Variants in SERHL2 observed in about 807,000 individuals in gnomAD.
The protein encoded by SERHL2 is serine hydrolase like 2.
Under a neutral mutation model 25.5 loss-of-function variants are expected in SERHL2, and 29 were observed. The ratio of observed to expected loss-of-function variants is 1.14; its 90% confidence interval spans 0.85 to 1.55. The LOEUF (loss-of-function observed/expected upper bound fraction) is 1.55. SERHL2 is among the 40% of genes most tolerant of loss of function. The pLI, the probability that SERHL2 is intolerant of heterozygous loss-of-function variation, is 0.00. For synonymous variants in SERHL2, 95 were observed against 103.5 expected, an observed-to-expected ratio of 0.92 and a Z score of 0.50; for missense variants, 240 against 252.3, an observed-to-expected ratio of 0.95 and a Z score of 0.33.
At chr22:42,571,063 T>G (rs1924107143) in intron 9 of SERHL2, 58 bp from the exon 10 acceptor site, 3 of 1,610,422 alleles carry the variant, frequency 1.9e-6, no homozygotes, top group Non-Finnish European at 2.5e-6. Context: ...ATGGGTTTCG[T>G]GCCCACGAGA....
rs532526854 is a variant in SERHL2 at position 42,567,981 on chromosome 22, C to T, written c.648+1643C>T. ...CTGACCTCAGGTGATCTGCCTGCCTCGACCTCCCAAAGTGCTGGGATTACA... is the reference window on the plus strand; with the variant it reads ...CTGACCTCAGGTGATCTGCCTGCCTTGACCTCCCAAAGTGCTGGGATTACA... On this transcript the variant is annotated intron_variant, in intron 9 of 11. Transcript: ENST00000327678. Among the ~76,000 whole-genome samples, 7 of 151,700 alleles carry T rather than the reference C, an allele frequency of 4.6e-5. No individual in the cohort carries two copies. The South Asian group carries it at 1.2e-3, about 27-fold the overall frequency.
intron 10 of SERHL2, 180 bp downstream of exon 10, chr22:42,571,383 G>A: frequency 1.4e-6 from 2 of 1,419,920 alleles, no homozygotes; most frequent in South Asian, 1.5e-5. Flanking sequence ...GAAGGTCAGA[G>A]GAGGGGAGGG....
Position 42,574,078 on chromosome 22 carries a change from A to G in SERHL2, c.*23A>G. 1 of 1,608,890 alleles carries G rather than the reference A, an allele frequency of 6.2e-7. No homozygotes were observed. Among genetic ancestry groups the G allele is most frequent in the East Asian group, 2.2e-5 (1 of 44,864 alleles). Reference sequence around the variant, plus strand: ...TAGCTCTGGGCCTGGAACTATGAAGACCTAGTGCTCCCAGACTCAACACTG... The same window carrying G: ...TAGCTCTGGGCCTGGAACTATGAAGGCCTAGTGCTCCCAGACTCAACACTG... On this transcript the variant is annotated 3_prime_UTR_variant, in exon 12 of 12. Transcript: ENST00000327678.
chr22:42,569,205 TTTG>T (rs1923821123), intron 9 of SERHL2: 1 of 151,628 alleles, frequency 6.6e-6, no homozygotes, highest in Non-Finnish European at 1.5e-5. Flanking sequence ...TAATCATCTC[TTTG>T]TTGTTCCAAT....
chr22:42,568,951 A>G (rs1291006027), intron 9 of SERHL2, among the ~76,000 whole-genome samples: 1 of 151,456 alleles, frequency 6.6e-6, no homozygotes, highest in Non-Finnish European at 1.5e-5. Flanking sequence ...GTGGGATCTC[A>G]GCTCACTGCA....
chr22:42,559,527 C>A (rs1184717010), intron 7 of SERHL2, among the ~76,000 whole-genome samples: 4 of 151,630 alleles, frequency 2.6e-5, no homozygotes, highest in Non-Finnish European at 5.9e-5. Context: ...TGGTGAAACC[C>A]TGTGTCTACT....
At position 42,553,996 on chromosome 22, in the gene SERHL2, G is replaced by A. The variant is rs866229092; in HGVS notation, c.-25G>A. ...CCTAGCCAGGCGTGAGGGAGTGACA[G>A]CAGCGCATTCGCGGGACGAGAGCGA... On this transcript the variant is annotated 5_prime_UTR_variant, in exon 1 of 12. Coordinates refer to ENST00000327678, the MANE Select transcript of SERHL2 (RefSeq NM_014509.5). The A allele has an allele frequency of 2.5e-6, 4 of 1,613,342 alleles. No individual in the cohort carries two copies. The highest frequency in any genetic ancestry group is 3.3e-4 in the Middle Eastern group (2 of 6,054).
At chr22:42,573,758 C>G (rs1436495115) in intron 11 of SERHL2, 178 bp from the exon 12 acceptor site, 1 of 708,726 alleles carries the variant, frequency 1.4e-6, no homozygotes, top group East Asian at 2.5e-5. Context: ...TAGACACCTC[C>G]TGGGGTGCTA....
intron 8 of SERHL2, 96 bp downstream of exon 8, chr22:42,560,361 C>T: frequency 1.1e-6 from 1 of 877,846 alleles, no homozygotes; most frequent in Non-Finnish European, 1.9e-6. Context: ...ATACTAAGCG[C>T]TTTGCAAACA....
At chr22:42,554,518 G>T (rs1358071415) in intron 1 of SERHL2, among the ~76,000 whole-genome samples, 1 of 152,180 alleles carries the variant, frequency 6.6e-6, no homozygotes, top group African/African-American at 2.4e-5. Context: ...CACCCCTCTG[G>T]CCTTTGGGAA....
chr22:42,560,001 G>A (rs1423493659), intron 7 of SERHL2, among the ~76,000 whole-genome samples, 185 bp from the exon 8 acceptor site: 2 of 151,826 alleles, frequency 1.3e-5, no homozygotes, highest in East Asian at 1.9e-4. Flanking sequence ...TAGTAGAGAT[G>A]AGGTTTTACC....
Position 42,574,139 on chromosome 22 carries a change from G to A in SERHL2, c.*84G>A. The A allele has an allele frequency of 2.3e-6, 3 of 1,294,076 alleles. No individual in the cohort carries two copies. The highest frequency in any genetic ancestry group is 1.3e-5 in the South Asian group (1 of 78,230). 80.2% of individuals were successfully genotyped at this position (1,294,076 alleles called of 1,614,324 possible). On this transcript the variant is annotated 3_prime_UTR_variant, in exon 12 of 12. Transcript: ENST00000327678. ...TTCCTGAGCCCCACAACAAGGCCAG[G>A]GATGGTGGGGACAGGCCTCACTAGT...
chr22:42,562,574 T>G (rs2146694922), intron 8 of SERHL2, among the ~76,000 whole-genome samples: 1 of 151,568 alleles, frequency 6.6e-6, no homozygotes, highest in East Asian at 2.0e-4. Flanking sequence ...GCGAGCATTG[T>G]TGGAGAGGCT....
chr22:42,559,071 A>C (rs1262439505), intron 7 of SERHL2, among the ~76,000 whole-genome samples: 1 of 84,130 alleles, frequency 1.2e-5, no homozygotes, highest in African/African-American at 5.8e-5. Flanking sequence ...CCACACACAC[A>C]CACCCTGCCG....
chr22:42,556,439 A>C, intron 5 of SERHL2, 75 bp from the exon 6 acceptor site: 1 of 1,592,242 alleles, frequency 6.3e-7, no homozygotes, highest in Non-Finnish European at 8.6e-7. Flanking sequence ...GGGGAACTCC[A>C]GGGTCCCCAG....
intron 7 of SERHL2, among the ~76,000 whole-genome samples, chr22:42,559,940 T>A (rs1486797485): frequency 6.6e-6 from 1 of 151,810 alleles, no homozygotes; most frequent in East Asian, 1.9e-4. Context: ...GCTTCCCAAG[T>A]AGCTGGGATT....
chr22:42,564,438 T>C (rs77671885), intron 8 of SERHL2, among the ~76,000 whole-genome samples: 4 of 150,436 alleles, frequency 2.7e-5, no homozygotes, highest in Non-Finnish European at 5.9e-5. Flanking sequence ...TTTTTTTTTT[T>C]CTTTTTTTTT....
In SERHL2 at chr22:42,574,008, A is replaced by C. The variant is rs1234127517; in HGVS notation, c.898A>C (p.Ile300Leu). 3 of 1,611,710 alleles carry C rather than the reference A, an allele frequency of 1.9e-6. No homozygotes were observed. Among genetic ancestry groups the C allele is most frequent in the South Asian group, 1.1e-5 (1 of 91,030 alleles). Residue 300 changes from isoleucine to leucine, a missense_variant, in exon 12 of 12, where the codon ATC becomes CTC. Ile to Leu is a conservative substitution (Grantham distance 5). Transcript: ENST00000327678. ...CGAACCCCAGCACGTGGCCAGTATC[A>C]TCAGCTCCTTCTTACAGTGCACACA... ...MSEPQHVASI[I>L]SSFLQCTHML...
At chr22:42,568,910 G>A (rs990434913) in intron 9 of SERHL2, among the ~76,000 whole-genome samples, 1 of 151,508 alleles carries the variant, frequency 6.6e-6, no homozygotes, top group Non-Finnish European at 1.5e-5. Flanking sequence ...AGATTGCAGT[G>A]AGCTGAGATC....
Sources: allele counts gnomAD v4.1 joint callset (sites outside exome capture counted in the v4.1 genomes callset), GRCh38; gene constraint gnomAD v4.1.1; transcripts MANE v1.5; gene names NCBI Gene and HGNC (gene_info 2026-07-23, HGNC 2026-07-21).